G2E3: variants seen among roughly 807,000 people sequenced by gnomAD.
G2E3 encodes G2/M-phase specific E3 ubiquitin protein ligase, also known as G2/M phase-specific E3 ubiquitin-protein ligase.
G2E3 carries 35 observed loss-of-function variants against 92.8 expected under a neutral mutation model. The observed-to-expected ratio is 0.38, with a 90% confidence interval of 0.29 to 0.50. G2E3 has a LOEUF of 0.50. Ranked by LOEUF, G2E3 falls within the 20% of genes least tolerant of loss-of-function variation. G2E3 has a pLI of 0.94. For synonymous variants in G2E3, 242 were observed against 272.4 expected (o/e 0.89, Z 1.10); for missense variants, 554 against 823.8 (o/e 0.67, Z 4.01).
intron 1 of G2E3, among the ~76,000 whole-genome samples, chr14:30,568,865 A>G (rs1214165987): frequency 6.6e-6 from 1 of 152,102 alleles, no homozygotes; most frequent in African/African-American, 2.4e-5. Context: ...TTTTATATTT[A>G]CTTCTGTAAT....
chr14:30,573,449 G>A (rs1213526105), intron 1 of G2E3: 1 of 151,612 alleles, frequency 6.6e-6, no homozygotes, highest in African/African-American at 2.4e-5. Context: ...GTGTGTCTCT[G>A]TGTGTGTAGA....
At chr14:30,614,578 T>C (rs894128440) in intron 13 of G2E3, among the ~76,000 whole-genome samples, 3 of 152,232 alleles carry the variant, frequency 2.0e-5, no homozygotes, top group African/African-American at 4.8e-5. Flanking sequence ...ATTGCTGTTA[T>C]ACTGGCCATT....
At chr14:30,577,044 G>A (rs1345885230) in intron 1 of G2E3, among the ~76,000 whole-genome samples, 1 of 151,932 alleles carries the variant, frequency 6.6e-6, no homozygotes, top group African/African-American at 2.4e-5. Flanking sequence ...GGCCAACATG[G>A]TGAAACCCCG....
chr14:30,601,713 G>A, intron 8 of G2E3, 57 bp from the exon 9 acceptor site: 1 of 1,584,782 alleles, frequency 6.3e-7, no homozygotes, highest in South Asian at 1.1e-5. Context: ...GACATTGCTA[G>A]TGGTTGAAAC....
rs770478137 is a variant in G2E3, at chr14:30,598,594, T to C, written c.747T>C (p.Pro249=). The C allele has an allele frequency of 6.3e-6, 10 of 1,582,036 alleles. No individual in the cohort carries two copies. In the South Asian group the frequency reaches 1.1e-4, roughly 17 times the overall value. The change falls in exon 8 of 15, where the codon CCT becomes CCC. Residue 249 remains proline (P), a synonymous_variant. Transcript: ENST00000206595. ...RCKEGRDYNA[P]DSKWEIKRCQ... ...AAGAAGGGCGAGACTATAATGCACC[T>C]GATAGGTATTTCTGAAAGTTCAGTT...
chr14:30,607,795 G>T, intron 11 of G2E3, 93 bp from the exon 12 acceptor site: 1 of 589,586 alleles, frequency 1.7e-6, no homozygotes, highest in Non-Finnish European at 2.9e-6. Flanking sequence ...TTTATCTAAT[G>T]CTTAGATTTT....
intron 2 of G2E3, among the ~76,000 whole-genome samples, chr14:30,581,963 C>T (rs778843004): frequency 1.3e-5 from 2 of 152,148 alleles, no homozygotes; most frequent in Non-Finnish European, 2.9e-5. Context: ...ATTCTTACAA[C>T]TCTATATCTT....
chr14:30,560,843 G>T (rs1388510328), intron 1 of G2E3: 5 of 700,052 alleles, frequency 7.1e-6, no homozygotes, highest in South Asian at 4.5e-5. Context: ...TAACTGAAAG[G>T]TTAGAAAATA....
rs537643569 is a variant in G2E3 at position 30,565,650 on chromosome 14, C to CTTTT, written c.-5+6404_-5+6407dup. On this transcript the variant is annotated intron_variant, in intron 1 of 14. Coordinates refer to ENST00000206595, the MANE Select transcript of G2E3 (RefSeq NM_017769.5). ...GTGAGGTAGGGGTTCAACTTCATTC[C>CTTTT]TTTTTTTTTTTTTTTTTTTTTTTTT... 3.2e-5 allele frequency among the ~76,000 whole-genome samples: 2 copies of CTTTT among 62,230 alleles called. 1 individual carries two copies. Among genetic ancestry groups the CTTTT allele is most frequent in the Non-Finnish European group, 5.6e-5 (2 of 35,626 alleles). The allele number at this position is 62,230 out of a possible 152,430, so 40.8% of individuals were successfully genotyped here.
At chr14:30,579,018 G>A (rs1400897571) in intron 1 of G2E3, among the ~76,000 whole-genome samples, 1 of 152,180 alleles carries the variant, frequency 6.6e-6, no homozygotes, top group African/African-American at 2.4e-5. Context: ...GTATCAGCAT[G>A]TTTAAAATGA....
At chr14:30,585,619 T>C (rs1044285953) in intron 2 of G2E3, among the ~76,000 whole-genome samples, 2 of 151,904 alleles carry the variant, frequency 1.3e-5, no homozygotes, top group African/African-American at 4.8e-5. Flanking sequence ...TAAAGGTTTA[T>C]CAGTTTTGTT....
chr14:30,589,497 T>A lies in G2E3; in HGVS notation c.237+13T>A. On this transcript the variant is annotated intron_variant, in intron 4 of 14. Transcript: ENST00000206595. Reference sequence around the variant, plus strand: ...AGCTTCTAAACTGGTAAGTAAATTATTTTACTATTAAGTAATGTCATAAAT... The same window carrying A: ...AGCTTCTAAACTGGTAAGTAAATTAATTTACTATTAAGTAATGTCATAAAT... The A allele has an allele frequency of 4.9e-6, 6 of 1,225,718 alleles. No individual in the cohort carries two copies. The highest frequency in any genetic ancestry group is 1.5e-5 in the African/African-American group (1 of 67,164). 75.9% of individuals were successfully genotyped at this position (1,225,718 alleles called of 1,614,324 possible).
At chr14:30,594,382 C>T (rs1264402308) in intron 6 of G2E3, among the ~76,000 whole-genome samples, 1 of 152,114 alleles carries the variant, frequency 6.6e-6, no homozygotes, top group African/African-American at 2.4e-5. Flanking sequence ...TGTCCACAGA[C>T]ATATTTTTAA....
intron 1 of G2E3, chr14:30,559,563 C>G (rs776863306): frequency 2.0e-5 from 3 of 152,146 alleles, no homozygotes; most frequent in Admixed American, 6.6e-5. Context: ...TCCTCCGTGG[C>G]TTTTTTTAAA....
rs760697992 is a variant in G2E3, at chr14:30,612,295, T to C, written c.1589T>C (p.Ile530Thr). ...YLELIGCLRLITTLSDKYMLV... is the reference protein window; with the variant it reads ...YLELIGCLRLTTTLSDKYMLV... The stretch of plus-strand genomic sequence containing the variant: ...GAGTTAATTGGATGTCTCAGACTTA[T>C]AACGACATTAAGTGATAAATATATG... The change falls in exon 13 of 15, where the codon ATA becomes ACA. Residue 530 changes from isoleucine (I) to threonine (T), a missense_variant. Transcript: ENST00000206595. 7.5e-6 allele frequency: 12 copies of C among 1,604,284 alleles called. No homozygotes were observed. Among genetic ancestry groups the C allele is most frequent in the Admixed American group, 3.3e-5 (2 of 59,890 alleles).
In G2E3 at chr14:30,601,760, G is replaced by C. The variant is rs778231580; in HGVS notation, c.753-10G>C. ...CAAAATGTAAGTTCTGCTTTTCTTT[G>C]TGTCCTCAGCAAATGGGAAATAAAG... On this transcript the variant is annotated splice_polypyrimidine_tract_variant and intron_variant, in intron 8 of 14. Coordinates refer to ENST00000206595, the MANE Select transcript of G2E3 (RefSeq NM_017769.5). The C allele has an allele frequency of 1.2e-6, 2 of 1,613,784 alleles. No individual in the cohort carries two copies. The highest frequency in any genetic ancestry group is 1.7e-6 in the Non-Finnish European group (2 of 1,179,788).
At position 30,616,958 on chromosome 14, in the gene G2E3, A is replaced by G. The variant is rs923778603; in HGVS notation, c.*424A>G. 3 of 153,710 alleles carry G rather than the reference A, an allele frequency of 2.0e-5. No individual in the cohort carries two copies. Among genetic ancestry groups the G allele is most frequent in the Middle Eastern group, 3.4e-3 (1 of 298 alleles). The allele number at this position is 153,710 out of a possible 1,614,324, so 9.5% of individuals were successfully genotyped here. Reference sequence around the variant, plus strand: ...TTCCTCATTTTATTTTAAAGCATTAAATAGAAAAGCTAATTGGTTAAATTT... The same window carrying G: ...TTCCTCATTTTATTTTAAAGCATTAGATAGAAAAGCTAATTGGTTAAATTT... On this transcript the variant is annotated 3_prime_UTR_variant, in exon 15 of 15. Coordinates refer to ENST00000206595, the MANE Select transcript of G2E3 (RefSeq NM_017769.5).
intron 6 of G2E3, 101 bp downstream of exon 6, chr14:30,593,740 A>G: frequency 1.3e-6 from 1 of 770,810 alleles, no homozygotes; most frequent in South Asian, 1.8e-5. Context: ...ATTACCTCTT[A>G]CTACTTGTTA....
At chr14:30,603,436 T>C (rs897873900) in intron 10 of G2E3, among the ~76,000 whole-genome samples, 6 of 152,180 alleles carry the variant, frequency 3.9e-5, no homozygotes, top group African/African-American at 1.4e-4. Context: ...CAGCTGTAGT[T>C]AAGATTTTTA....
Sources: allele counts gnomAD v4.1 joint callset (sites outside exome capture counted in the v4.1 genomes callset), GRCh38; gene constraint gnomAD v4.1.1; transcripts MANE v1.5; gene names NCBI Gene and HGNC (gene_info 2026-07-23, HGNC 2026-07-21).